NCBP1: variants seen among roughly 807,000 people sequenced by gnomAD.
The protein encoded by NCBP1 is nuclear cap binding protein subunit 1.
In NCBP1, 16 loss-of-function variants were observed where a neutral mutation model predicts 111.7. That is an observed-to-expected ratio of 0.14 (90% confidence interval 0.10 to 0.22). The LOEUF (loss-of-function observed/expected upper bound fraction) is 0.22, where lower values mean the gene tolerates loss of function less well. NCBP1 is among the 10% of genes least tolerant of loss of function. The pLI is 1.00. For synonymous variants in NCBP1, 304 were observed against 314.3 expected (o/e 0.97, Z 0.35); for missense variants, 607 against 957.5 (o/e 0.63, Z 4.83).
intron 8 of NCBP1, among the ~76,000 whole-genome samples, chr9:97,649,309 C>G (rs1827434424): frequency 6.6e-6 from 1 of 152,064 alleles, no homozygotes; most frequent in Non-Finnish European, 1.5e-5. Flanking sequence ...TTGTAAGATG[C>G]TCAGCGGTGT....
In NCBP1 at chr9:97,645,214, A is replaced by T. The variant is rs1379524559; in HGVS notation, c.479A>T (p.Asp160Val). The T allele has an allele frequency of 6.2e-7, 1 of 1,611,516 alleles. No individual in the cohort carries two copies. Among genetic ancestry groups the T allele is most frequent in the South Asian group, 1.1e-5 (1 of 91,002 alleles). The change falls in exon 5 of 23, where the codon GAT becomes GTT. Residue 160 changes from aspartate (D) to valine (V), a missense_variant. Physicochemically the swap from Asp to Val is radical, Grantham distance 152 (BLOSUM62 -3). Transcript: ENST00000375147. ...ENFVSVTQEE[D>V]VPQVRRDWYV... ...TTTGTAAGCGTAACTCAGGAAGAAGATGTACCTCAGGTAAGAGAACCCCTC... is the reference window on the plus strand; with the variant it reads ...TTTGTAAGCGTAACTCAGGAAGAAGTTGTACCTCAGGTAAGAGAACCCCTC...
rs1827581640 is a variant in NCBP1 at position 97,654,313 on chromosome 9, C to A, written c.1170+405C>A. Reference sequence around the variant, plus strand: ...CTAAGTTTCTATGATATTCTAAATCCTTCGTTGTCATTCAGCAGTGTTCAC... The same window carrying A: ...CTAAGTTTCTATGATATTCTAAATCATTCGTTGTCATTCAGCAGTGTTCAC... On this transcript the variant is annotated intron_variant, in intron 11 of 22. Coordinates refer to ENST00000375147, the MANE Select transcript of NCBP1 (RefSeq NM_002486.5). 2.0e-5 allele frequency among the ~76,000 whole-genome samples: 3 copies of A among 152,264 alleles called. No homozygotes were observed. In the South Asian group the frequency reaches 6.2e-4, roughly 32 times the overall value.
At chr9:97,667,939 T>C (rs1828057811) in intron 20 of NCBP1, among the ~76,000 whole-genome samples, 1 of 152,246 alleles carries the variant, frequency 6.6e-6, no homozygotes, top group South Asian at 2.1e-4. Context: ...GACAGTCGTG[T>C]ACCCACGTGT....
At chr9:97,652,405 C>T (rs1218781928) in intron 10 of NCBP1, among the ~76,000 whole-genome samples, 1 of 152,168 alleles carries the variant, frequency 6.6e-6, no homozygotes, top group Non-Finnish European at 1.5e-5. Flanking sequence ...ATAGCTTGAG[C>T]TCAGGAGTTC....
intron 14 of NCBP1, among the ~76,000 whole-genome samples, chr9:97,657,335 G>T (rs1210893192): frequency 6.6e-6 from 1 of 152,128 alleles, no homozygotes; most frequent in Non-Finnish European, 1.5e-5. Flanking sequence ...CTTCAGTCTT[G>T]AACACTTAAC....
At chr9:97,669,219 G>A (rs1828102065) in intron 21 of NCBP1, among the ~76,000 whole-genome samples, 1 of 151,716 alleles carries the variant, frequency 6.6e-6, no homozygotes, top group African/African-American at 2.4e-5. Context: ...AAAAAATTGT[G>A]GGTTGCTTTT....
At chr9:97,669,889 T>G (rs985205069) in intron 22 of NCBP1, 183 bp downstream of exon 22, 15 of 660,180 alleles carry the variant, frequency 2.3e-5, no homozygotes, top group Non-Finnish European at 3.6e-5. Flanking sequence ...TCTGTACCAC[T>G]TAGATTCCTA....
chr9:97,645,072 TA>T (rs1191584026), intron 4 of NCBP1, 44 bp from the exon 5 acceptor site: 1 of 1,393,802 alleles, frequency 7.2e-7, no homozygotes, highest in Non-Finnish European at 1.0e-6. Context: ...GTAGTTATTA[TA>T]AAGAACATTT....
chr9:97,638,853 A>C (rs1827124589), intron 1 of NCBP1, among the ~76,000 whole-genome samples: 1 of 151,216 alleles, frequency 6.6e-6, no homozygotes, highest in Non-Finnish European at 1.5e-5. Flanking sequence ...CCAGATGACC[A>C]CTGGGGGCAA....
chr9:97,660,122 G>C (rs1564026717), intron 15 of NCBP1, among the ~76,000 whole-genome samples: 2 of 152,188 alleles, frequency 1.3e-5, no homozygotes, highest in Admixed American at 6.5e-5. Context: ...ATGTAGACTG[G>C]TGACAGGGGA....
At chr9:97,644,109 T>C (rs565279935) in intron 4 of NCBP1, among the ~76,000 whole-genome samples, 2 of 152,314 alleles carry the variant, frequency 1.3e-5, no homozygotes, top group East Asian at 3.9e-4. Flanking sequence ...TAATAATACA[T>C]AGATTAATGG....
rs991794174 is a variant in NCBP1 at position 97,673,241 on chromosome 9, T to TAA, written c.*2043_*2044insAA. 1.3e-5 allele frequency: 2 copies of TAA among 152,160 alleles called. No homozygotes were observed. Among genetic ancestry groups the TAA allele is most frequent in the African/African-American group, 4.8e-5 (2 of 41,432 alleles). The allele number at this position is 152,160 out of a possible 1,614,324, so 9.4% of individuals were successfully genotyped here. A position where few individuals can be genotyped will look rare whatever the true frequency, so the allele number is the denominator to read the frequency against. On this transcript the variant is annotated 3_prime_UTR_variant, in exon 23 of 23. Coordinates refer to ENST00000375147, the MANE Select transcript of NCBP1 (RefSeq NM_002486.5). ...GTTAAGTTTTGGGGGAGTCAAAAGT[T>TAA]ACATGCAAATTTTTTACTGTGCGGG... is the stretch of plus-strand genomic sequence containing the variant.
chr9:97,671,843 G>C lies in NCBP1; in HGVS notation c.*644G>C, dbSNP rs931128668. On this transcript the variant is annotated 3_prime_UTR_variant, in exon 23 of 23. Coordinates refer to ENST00000375147, the MANE Select transcript of NCBP1 (RefSeq NM_002486.5). ...ACCTGGGAATCTTTCAAGTTATTTT[G>C]AAATTTAAACCACCGTCTGGGGGTG... is the stretch of plus-strand genomic sequence containing the variant. 2.0e-4 allele frequency: 31 copies of C among 152,278 alleles called. No individual in the cohort carries two copies. Among genetic ancestry groups the C allele is most frequent in the African/African-American group, 7.2e-4 (30 of 41,544 alleles). 9.4% of individuals were successfully genotyped at this position (152,278 alleles called of 1,614,324 possible).
intron 22 of NCBP1, among the ~76,000 whole-genome samples, chr9:97,670,875 T>A (rs1241631811): frequency 6.6e-6 from 1 of 152,232 alleles, no homozygotes; most frequent in Non-Finnish European, 1.5e-5. Context: ...CTGGATTTTT[T>A]AAAAAGCTAT....
In NCBP1 at chr9:97,657,924, ATATT is replaced by A. The variant is rs1302308886; in HGVS notation, c.1374-714_1374-711del. Among the ~76,000 whole-genome samples, 925 of 119,304 alleles carry A rather than the reference ATATT, an allele frequency of 7.8e-3. 3 individuals carry two copies. Among genetic ancestry groups the A allele is most frequent in the Non-Finnish European group, 0.01 (630 of 60,680 alleles). 78.3% of individuals were successfully genotyped at this position (119,304 alleles called of 152,430 possible). On this transcript the variant is annotated intron_variant, in intron 14 of 22. Transcript: ENST00000375147. The stretch of plus-strand genomic sequence containing the variant: ...TCTCTCTCTATATATATATATATAT[ATATT>A]TTTTTTTTTTTTTTTAACGTCCCCA...
At chr9:97,651,276 T>A (rs754592945) in intron 9 of NCBP1, 34 bp from the exon 10 acceptor site, 2 of 1,569,622 alleles carry the variant, frequency 1.3e-6, no homozygotes, top group South Asian at 2.4e-5. Flanking sequence ...TGTGTCTTCG[T>A]ATACTTATTA....
At position 97,671,205 on chromosome 9, in the gene NCBP1, A is replaced by AT; in HGVS notation, c.*12dup. 5.7e-6 allele frequency: 9 copies of AT among 1,566,236 alleles called. No homozygotes were observed. The highest frequency in any genetic ancestry group is 7.0e-6 in the Non-Finnish European group (8 of 1,146,924). Reference sequence around the variant, plus strand: ...TCTGTGCCCTGCAGGCCTAAGGGTCATTTTTTCCTCATGTCAAGGTTTTTT... The same window carrying AT: ...TCTGTGCCCTGCAGGCCTAAGGGTCATTTTTTTCCTCATGTCAAGGTTTTTT... On this transcript the variant is annotated 3_prime_UTR_variant, in exon 23 of 23. Transcript: ENST00000375147.
chr9:97,638,330 C>G (rs1827111387), intron 1 of NCBP1, among the ~76,000 whole-genome samples: 1 of 152,268 alleles, frequency 6.6e-6, no homozygotes, highest in South Asian at 2.1e-4. Flanking sequence ...GTTTGCAGTT[C>G]AGAGATGTGA....
intron 11 of NCBP1, 69 bp downstream of exon 11, chr9:97,653,977 C>T: frequency 1.5e-6 from 2 of 1,367,680 alleles, no homozygotes; most frequent in Admixed American, 2.1e-5. Flanking sequence ...AATATTTCTG[C>T]TTGTGGGTTT....
Sources: gnomAD v4.1 joint callset for allele counts (sites outside exome capture counted in the v4.1 genomes callset) on GRCh38, gnomAD v4.1.1 for gene constraint, MANE v1.5 for transcripts, NCBI Gene and HGNC (gene_info 2026-07-23, HGNC 2026-07-21) for gene names.